DCAF1: variants seen among roughly 807,000 people sequenced by gnomAD.
DCAF1 encodes the protein DDB1- and CUL4-associated factor 1.
In DCAF1, 15 loss-of-function variants were observed where a neutral mutation model predicts 128.0. The ratio of observed to expected loss-of-function variants is 0.12; its 90% CI spans 0.08 to 0.18. The LOEUF is 0.18. Ranked by LOEUF, DCAF1 falls within the 10% of genes least tolerant of loss-of-function variation. The pLI is 1.00. For synonymous variants in DCAF1, 610 were observed against 603.0 expected, an observed-to-expected ratio of 1.01 and a Z score of -0.17; for missense variants, 988 against 1,649.5, an observed-to-expected ratio of 0.60 and a Z score of 6.95.
intron 9 of DCAF1, among the ~76,000 whole-genome samples, chr3:51,434,465 A>G (rs993543992): frequency 5.3e-5 from 8 of 152,186 alleles, no homozygotes; most frequent in African/African-American, 1.7e-4. Context: ...GGTTGGTGAA[A>G]AACTGCAGTT....
rs1478973481 is a variant in DCAF1 at position 51,495,139 on chromosome 3, A to G, written c.-9+1595T>C. On this transcript the variant is annotated intron_variant, in intron 2 of 24. Coordinates refer to ENST00000684031, the MANE Select transcript of DCAF1 (RefSeq NM_001387579.1). ...GGAGCTCGAGACCAGCCTGGCCAAC[A>G]TGATGAAACCCTGTCTCTACTAAAA... Among the ~76,000 whole-genome samples, 5 of 152,030 alleles carry G rather than the reference A, an allele frequency of 3.3e-5. No individual in the cohort carries two copies. The South Asian group carries it at 8.3e-4, about 25-fold the overall frequency.
chr3:51,452,000 T>C (rs149899783), intron 6 of DCAF1, among the ~76,000 whole-genome samples: 1 of 152,224 alleles, frequency 6.6e-6, no homozygotes, highest in Non-Finnish European at 1.5e-5. Context: ...AAAAAGTACA[T>C]GTTACTATGT....
chr3:51,400,995 G>A lies in DCAF1; in HGVS notation c.4465+2148C>T, dbSNP rs1277358987. On this transcript the variant is annotated intron_variant, in intron 24 of 24. Coordinates refer to ENST00000684031, the MANE Select transcript of DCAF1 (RefSeq NM_001387579.1). ...AAAATACAAAAAATTAGCTGGGGGTGGTGGCGGGCGCCTGTAGTCCCAGCT... is the reference window on the plus strand; with the variant it reads ...AAAATACAAAAAATTAGCTGGGGGTAGTGGCGGGCGCCTGTAGTCCCAGCT... Among the ~76,000 whole-genome samples, 3 of 152,070 alleles carry A rather than the reference G, an allele frequency of 2.0e-5. No individual in the cohort carries two copies. In the East Asian group the frequency reaches 5.8e-4, roughly 29 times the overall value.
At chr3:51,479,714 T>C (rs1705923770) in intron 3 of DCAF1, among the ~76,000 whole-genome samples, 1 of 151,960 alleles carries the variant, frequency 6.6e-6, no homozygotes, top group African/African-American at 2.4e-5. Context: ...GAGAATGGTG[T>C]GAATCTGGGA....
At chr3:51,437,305 G>C (rs1242286574) in intron 9 of DCAF1, 6 of 408,194 alleles carry the variant, frequency 1.5e-5, no homozygotes, top group Non-Finnish European at 2.4e-5. Flanking sequence ...GAAAGAGCAA[G>C]AAGACCCCAA....
At chr3:51,438,875 T>C in intron 9 of DCAF1, among the ~76,000 whole-genome samples, 1 of 152,168 alleles carries the variant, frequency 6.6e-6, no homozygotes, top group East Asian at 1.9e-4. Context: ...CCTCCCAAAG[T>C]GCTGGGATTA....
intron 17 of DCAF1, 57 bp downstream of exon 17, chr3:51,418,058 AG>A (rs1298483963): frequency 1.9e-6 from 3 of 1,550,910 alleles, no homozygotes; most frequent in Non-Finnish European, 2.6e-6. Context: ...AACCAAATGA[AG>A]GGGGGTATAA....
intron 2 of DCAF1, among the ~76,000 whole-genome samples, chr3:51,491,104 C>T (rs552875519): frequency 3.7e-4 from 56 of 149,752 alleles, no homozygotes; most frequent in African/African-American, 1.3e-3. Flanking sequence ...AATCCCAGCA[C>T]TTTGGGAGGT....
intron 9 of DCAF1, among the ~76,000 whole-genome samples, chr3:51,440,571 C>A (rs142491566): frequency 6.6e-6 from 1 of 152,184 alleles, no homozygotes; most frequent in Admixed American, 6.5e-5. Flanking sequence ...CCATTGCACT[C>A]CAGCCTGGGT....
rs1328108676 is a variant in DCAF1, at chr3:51,483,770, T to C, written c.59A>G (p.Gln20Arg). 1 of 1,613,898 alleles carries C rather than the reference T, an allele frequency of 6.2e-7. No homozygotes were observed. The highest frequency in any genetic ancestry group is 8.5e-7 in the Non-Finnish European group (1 of 1,179,880). The stretch of plus-strand genomic sequence containing the variant: ...CCCACTGCCATGTTCCTTTTCCCAC[T>C]GCTCCAGCAGGGTAGTGAGCTCAGC... The part of the protein sequence containing the change: ...SKAELTTLLE[Q>R]WEKEHGSGQD... Residue 20 changes from glutamine (Q) to arginine (R), a missense_variant, in exon 3 of 25, where the codon CAG becomes CGG. By Grantham distance (43) the Gln-to-Arg change is conservative (BLOSUM62 1). This residue lies in a region of DCAF1 where 48 missense variants were observed against 52.6 expected (regional missense o/e 0.91). Transcript: ENST00000684031.
At chr3:51,400,474 C>T (rs782274209) in intron 24 of DCAF1, among the ~76,000 whole-genome samples, 1 of 152,198 alleles carries the variant, frequency 6.6e-6, no homozygotes, top group Non-Finnish European at 1.5e-5. Flanking sequence ...ATCTTAACCA[C>T]GCTGTAGCAC....
intron 10 of DCAF1, among the ~76,000 whole-genome samples, chr3:51,430,532 G>C (rs1700274112): frequency 4.1e-5 from 3 of 73,882 alleles, no homozygotes; most frequent in Non-Finnish European, 5.6e-5. Context: ...AGAAGAGGAA[G>C]AGGTAAGGAA....
Position 51,413,255 on chromosome 3 carries a change from G to T in DCAF1, c.4036+27C>A, listed in dbSNP as rs1553629090. 4.4e-6 allele frequency: 7 copies of T among 1,602,390 alleles called. No homozygotes were observed. In the South Asian group the frequency reaches 6.7e-5, roughly 15 times the overall value. ...AAGGAACACCAAAACACGACAAAAT[G>T]TTCAATGTCTGTCCCTTTCTGCTTA... is the stretch of plus-strand genomic sequence containing the variant. On this transcript the variant is annotated intron_variant, in intron 21 of 24. Coordinates refer to ENST00000684031, the MANE Select transcript of DCAF1 (RefSeq NM_001387579.1).
intron 23 of DCAF1, among the ~76,000 whole-genome samples, chr3:51,411,180 A>AAG (rs1165510900): frequency 7.3e-5 from 11 of 151,724 alleles, no homozygotes; most frequent in African/African-American, 2.7e-4. Flanking sequence ...AAAAAAAAAA[A>AAG]AGAGAGACAA....
chr3:51,418,911 A>G (rs1553631500), intron 15 of DCAF1, 35 bp from the exon 16 acceptor site: 1 of 1,559,606 alleles, frequency 6.4e-7, no homozygotes, highest in East Asian at 2.4e-5. Flanking sequence ...CAGGCAAAGA[A>G]TGTGCAGGGA....
At chr3:51,464,166 G>A (rs1253145309) in intron 5 of DCAF1, among the ~76,000 whole-genome samples, 2 of 151,780 alleles carry the variant, frequency 1.3e-5, no homozygotes, top group African/African-American at 4.8e-5. Flanking sequence ...CCACACCACT[G>A]CATATACACT....
At position 51,466,880 on chromosome 3, in the gene DCAF1, C is replaced by T. The variant is rs782220735; in HGVS notation, c.188-4G>A. ...ATACACTCTGGATCAGCTCGACCTA[C>T]CAAGAGAAGAGGGGAGGAACAAACA... On this transcript the variant is annotated splice_region_variant and splice_polypyrimidine_tract_variant and intron_variant, in intron 4 of 24. Coordinates refer to ENST00000684031, the MANE Select transcript of DCAF1 (RefSeq NM_001387579.1). 3.7e-6 allele frequency: 6 copies of T among 1,613,454 alleles called. No individual in the cohort carries two copies. The highest frequency in any genetic ancestry group is 2.2e-5 in the East Asian group (1 of 44,874).
intron 6 of DCAF1, among the ~76,000 whole-genome samples, chr3:51,455,384 T>C (rs936366729): frequency 3.9e-5 from 6 of 151,998 alleles, no homozygotes; most frequent in South Asian, 2.1e-4. Context: ...GGCAGGAAGA[T>C]GGTTTCAGCC....
At chr3:51,489,323 T>C (rs1707346957) in intron 2 of DCAF1, among the ~76,000 whole-genome samples, 1 of 151,666 alleles carries the variant, frequency 6.6e-6, no homozygotes, top group Admixed American at 6.6e-5. Context: ...ATCCCAGGTA[T>C]TCAGTAGGCT....
Sources: gnomAD v4.1 joint callset for allele counts (sites outside exome capture counted in the v4.1 genomes callset) on GRCh38, gnomAD v4.1.1 for gene constraint, gnomAD v4.1.1 regional missense constraint, MANE v1.5 for transcripts, NCBI Gene and HGNC (gene_info 2026-07-23, HGNC 2026-07-21) for gene names.